ATP8A2: variants seen among roughly 807,000 people sequenced by gnomAD.
ATP8A2 encodes the protein phospholipid-transporting ATPase IB.
ATP8A2 carries 100 observed loss-of-function variants against 165.6 expected under a neutral mutation model. The observed-to-expected ratio is 0.60, with a 90% confidence interval of 0.51 to 0.71. The LOEUF is 0.71. ATP8A2 is among the 30% of genes least tolerant of loss of function. ATP8A2 has a pLI of 0.00. For missense variants in ATP8A2, 1,227 were observed against 1,479.5 expected (o/e 0.83, Z 2.80); for synonymous variants, 543 against 548.8 (o/e 0.99, Z 0.15).
chr13:25,448,910 C>G (rs2035139382), intron 1 of ATP8A2, among the ~76,000 whole-genome samples: 1 of 152,154 alleles, frequency 6.6e-6, no homozygotes, highest in African/African-American at 2.4e-5. Flanking sequence ...GGTGATCCAC[C>G]TGCTTCAGCC....
At chr13:25,846,497 C>T (rs1013899885) in intron 30 of ATP8A2, among the ~76,000 whole-genome samples, 1 of 151,970 alleles carries the variant, frequency 6.6e-6, no homozygotes, top group Non-Finnish European at 1.5e-5. Context: ...TAGAATAGTT[C>T]CAAGAGAAAG....
intron 33 of ATP8A2, among the ~76,000 whole-genome samples, chr13:25,931,374 A>C (rs1362285339): frequency 6.6e-6 from 1 of 152,188 alleles, no homozygotes; most frequent in Non-Finnish European, 1.5e-5. Context: ...TGAGCTCCAA[A>C]ATACCTCTGG....
intron 1 of ATP8A2, among the ~76,000 whole-genome samples, chr13:25,384,042 T>A (rs1476628533): frequency 2.0e-5 from 3 of 152,218 alleles, no homozygotes; most frequent in Non-Finnish European, 4.4e-5. Flanking sequence ...ATTTTTTTCA[T>A]GTCCCTAAAA....
rs574157605 is a variant in ATP8A2, at chr13:25,513,999, GGAGGGA to G, written c.222-15975_222-15970del. 5.2e-3 allele frequency among the ~76,000 whole-genome samples: 696 copies of G among 134,608 alleles called. 3 individuals are homozygous for G. The highest frequency in any genetic ancestry group is 0.013 in the African/African-American group (462 of 34,854). 88.3% of individuals were successfully genotyped at this position (134,608 alleles called of 152,430 possible). ...GAGTGGGAGAGGGGGAGGGGGAGGG[GGAGGGA>G]GAGGGAGAGGGAGAGGGAGAGGGAC... On this transcript the variant is annotated intron_variant, in intron 2 of 36. Coordinates refer to ENST00000381655, the MANE Select transcript of ATP8A2 (RefSeq NM_016529.6).
intron 11 of ATP8A2, among the ~76,000 whole-genome samples, chr13:25,553,066 G>A (rs2038872276): frequency 6.6e-6 from 1 of 151,948 alleles, no homozygotes; most frequent in African/African-American, 2.4e-5. Context: ...GTTAAACGCT[G>A]TTGCAACCTT....
rs911982985 is a variant in ATP8A2, at chr13:25,531,178, T to C, written c.420+518T>C. 1.4e-4 allele frequency among the ~76,000 whole-genome samples: 20 copies of C among 138,680 alleles called. No homozygotes were observed. In the East Asian group the frequency reaches 3.9e-3, roughly 27 times the overall value. 91.0% of individuals were successfully genotyped at this position (138,680 alleles called of 152,430 possible). A position where few individuals can be genotyped will look rare whatever the true frequency, so the allele number is the denominator to read the frequency against. ...TATATGATATATATGTTATATGATA[T>C]ATATATGTTATATATGTTATATATG... On this transcript the variant is annotated intron_variant, in intron 4 of 36. Coordinates refer to ENST00000381655, the MANE Select transcript of ATP8A2 (RefSeq NM_016529.6).
At chr13:25,782,823 C>T (rs217877) in intron 27 of ATP8A2, among the ~76,000 whole-genome samples, 150,622 of 152,270 alleles carry the variant, frequency 0.99, 74,515 homozygotes, top group East Asian at 1. Flanking sequence ...CACTGCAAGC[C>T]CCGCCTCCTG....
chr13:25,622,967 A>G (rs1286210205), intron 24 of ATP8A2, among the ~76,000 whole-genome samples: 1 of 152,236 alleles, frequency 6.6e-6, no homozygotes, highest in Non-Finnish European at 1.5e-5. Flanking sequence ...GTTTAAGTCC[A>G]GTAGAAATCT....
intron 33 of ATP8A2, among the ~76,000 whole-genome samples, chr13:25,899,894 G>A (rs769922672): frequency 6.6e-6 from 1 of 152,154 alleles, no homozygotes; most frequent in Non-Finnish European, 1.5e-5. Flanking sequence ...AAAAATAGGT[G>A]GTACAGGGGA....
intron 24 of ATP8A2, among the ~76,000 whole-genome samples, chr13:25,609,534 G>GGGATTCAAATATATATATCTATATTT (rs2040604825): frequency 4.7e-5 from 2 of 42,220 alleles, no homozygotes; most frequent in African/African-American, 5.7e-5. Context: ...ATATATATTT[G>GGGATTCAAATATATATATCTATATTT]GGATTCAAAT....
chr13:25,804,846 G>C (rs1950696084), intron 27 of ATP8A2, among the ~76,000 whole-genome samples: 1 of 152,144 alleles, frequency 6.6e-6, no homozygotes, highest in African/African-American at 2.4e-5. Flanking sequence ...CTAGCATCAA[G>C]AAAAGGTAGA....
In ATP8A2 at chr13:25,589,616, G is replaced by A. The variant is rs776293262; in HGVS notation, c.2147-19G>A. 2 of 1,593,400 alleles carry A rather than the reference G, an allele frequency of 1.3e-6. No homozygotes were observed. Among genetic ancestry groups the A allele is most frequent in the South Asian group, 2.2e-5 (2 of 90,086 alleles). On this transcript the variant is annotated intron_variant, in intron 23 of 36. Transcript: ENST00000381655. ...AGAAGGAAAGAGAAATTCACATGTTGTCTCTTCCTCCACTTCAGGGTATTC... is the reference window on the plus strand; with the variant it reads ...AGAAGGAAAGAGAAATTCACATGTTATCTCTTCCTCCACTTCAGGGTATTC...
chr13:25,571,397 A>G (rs2039463833), intron 17 of ATP8A2, among the ~76,000 whole-genome samples: 1 of 152,244 alleles, frequency 6.6e-6, no homozygotes, highest in Non-Finnish European at 1.5e-5. Context: ...GTGAATTAGC[A>G]TATATCCAAG....
intron 33 of ATP8A2, among the ~76,000 whole-genome samples, chr13:25,903,324 C>T (rs1953823268): frequency 6.6e-6 from 1 of 152,106 alleles, no homozygotes. Context: ...CCTGCTGCCC[C>T]TCCACCACAG....
At chr13:25,567,525 C>A (rs965086255) in intron 16 of ATP8A2, among the ~76,000 whole-genome samples, 1 of 152,166 alleles carries the variant, frequency 6.6e-6, no homozygotes, top group Non-Finnish European at 1.5e-5. Flanking sequence ...GAAAAGGAAG[C>A]CCTGCTGTGG....
intron 1 of ATP8A2, among the ~76,000 whole-genome samples, chr13:25,426,697 C>A (rs1395349350): frequency 6.6e-6 from 1 of 152,034 alleles, no homozygotes; most frequent in Non-Finnish European, 1.5e-5. Context: ...AATCCCAGTA[C>A]TTTGGGAGGC....
At chr13:25,686,317 A>G (rs1323727674) in intron 24 of ATP8A2, among the ~76,000 whole-genome samples, 2 of 152,194 alleles carry the variant, frequency 1.3e-5, no homozygotes, top group African/African-American at 4.8e-5. Flanking sequence ...AACATGATGC[A>G]GTGCTCCAAG....
intron 24 of ATP8A2, among the ~76,000 whole-genome samples, chr13:25,604,827 G>GTTTGTGAAATCTAGCT (rs1378521526): frequency 2.1e-4 from 32 of 152,142 alleles, no homozygotes; most frequent in African/African-American, 7.7e-4. Context: ...GATAGTCCAT[G>GTTTGTGAAATCTAGCT]TTTGTGAAAT....
chr13:25,764,533 GAGACA>G (rs2044450908), intron 25 of ATP8A2, among the ~76,000 whole-genome samples: 1 of 152,202 alleles, frequency 6.6e-6, no homozygotes, highest in Non-Finnish European at 1.5e-5. Flanking sequence ...GTATGGTCCA[GAGACA>G]AGCAGCAGCG....
Sources: gnomAD v4.1 joint callset for allele counts (sites outside exome capture counted in the v4.1 genomes callset) on GRCh38, gnomAD v4.1.1 for gene constraint, MANE v1.5 for transcripts, NCBI Gene and HGNC (gene_info 2026-07-23, HGNC 2026-07-21) for gene names.